ITSN1: variants seen among roughly 807,000 people sequenced by gnomAD.
The protein encoded by ITSN1 is intersectin-1.
A neutral mutation model predicts 239.8 loss-of-function variants in ITSN1; 58 were observed. That is an observed-to-expected ratio of 0.24 (90% CI 0.20 to 0.30). The LOEUF is 0.30. Among genes scored for constraint, ITSN1 ranks in the 10% least tolerant of loss-of-function variants. The pLI is 1.00. For synonymous variants in ITSN1, 780 were observed against 770.8 expected, an observed-to-expected ratio of 1.01 and a Z score of -0.20; for missense variants, 1,558 against 2,103.3, an observed-to-expected ratio of 0.74 and a Z score of 5.07.
intron 1 of ITSN1, among the ~76,000 whole-genome samples, chr21:33,717,467 G>C (rs2065219927): frequency 6.6e-6 from 1 of 152,106 alleles, no homozygotes; most frequent in Non-Finnish European, 1.5e-5. Flanking sequence ...AAAGTGCTGG[G>C]ATTACAGGTG....
intron 17 of ITSN1, among the ~76,000 whole-genome samples, chr21:33,796,497 G>T (rs144868118): frequency 6.6e-6 from 1 of 152,216 alleles, no homozygotes; most frequent in East Asian, 1.9e-4. Flanking sequence ...TTATGTTCCC[G>T]TGGCAGATTC....
intron 5 of ITSN1, among the ~76,000 whole-genome samples, chr21:33,737,725 C>T (rs984987717): frequency 8.6e-5 from 13 of 151,964 alleles, no homozygotes; most frequent in Admixed American, 1.3e-4. Context: ...AGGGACATGC[C>T]GCAACACCCA....
intron 28 of ITSN1, among the ~76,000 whole-genome samples, chr21:33,835,508 A>G (rs1235032296): frequency 1.3e-5 from 2 of 152,242 alleles, no homozygotes; most frequent in African/African-American, 4.8e-5. Flanking sequence ...GTGCCAAAGA[A>G]TGAGAACAAT....
Position 33,755,293 on chromosome 21 carries a change from A to C in ITSN1, c.624-4A>C, listed in dbSNP as rs777891050. ...TCTTTCTCTCCTTTTTCTTTTCCCC[A>C]CAGTGTCCCACCAGTGGCAGAGTGG... is the stretch of plus-strand genomic sequence containing the variant. On this transcript the variant is annotated splice_polypyrimidine_tract_variant and splice_region_variant and intron_variant, in intron 7 of 39. Transcript: ENST00000381318. 2 of 1,579,960 alleles carry C rather than the reference A, an allele frequency of 1.3e-6. No homozygotes were observed. Among genetic ancestry groups the C allele is most frequent in the South Asian group, 1.1e-5 (1 of 88,272 alleles).
At chr21:33,717,066 A>G (rs2065190613) in intron 1 of ITSN1, among the ~76,000 whole-genome samples, 1 of 152,202 alleles carries the variant, frequency 6.6e-6, no homozygotes, top group Non-Finnish European at 1.5e-5. Flanking sequence ...TAAAAATGTG[A>G]TAGTTGGAAA....
intron 20 of ITSN1, 180 bp from the exon 21 acceptor site, chr21:33,810,795 A>AT (rs367739805): frequency 0.015 from 9,813 of 671,412 alleles, 16 homozygotes; most frequent in African/African-American, 0.03. Flanking sequence ...ATTATAGTGC[A>AT]TTTTTTTTTT....
At chr21:33,701,570 A>G (rs982025980) in intron 1 of ITSN1, among the ~76,000 whole-genome samples, 12 of 151,988 alleles carry the variant, frequency 7.9e-5, no homozygotes, top group African/African-American at 2.9e-4. Flanking sequence ...AGGTGGGTGG[A>G]TCACTTGAAG....
At chr21:33,765,517 C>T (rs1337910146) in intron 9 of ITSN1, among the ~76,000 whole-genome samples, 5 of 152,118 alleles carry the variant, frequency 3.3e-5, no homozygotes, top group Non-Finnish European at 5.9e-5. Flanking sequence ...GTGATCATGA[C>T]TGCAGTGAGG....
At chr21:33,781,821 CA>C (rs1396932452) in intron 15 of ITSN1, among the ~76,000 whole-genome samples, 172 bp from the exon 16 acceptor site, 1 of 152,142 alleles carries the variant, frequency 6.6e-6, no homozygotes, top group African/African-American at 2.4e-5. Flanking sequence ...CCAGGTGATC[CA>C]TCCACTTTGG....
At chr21:33,729,348 A>T (rs2066022744) in intron 4 of ITSN1, among the ~76,000 whole-genome samples, 1 of 151,392 alleles carries the variant, frequency 6.6e-6, no homozygotes, top group Non-Finnish European at 1.5e-5. Flanking sequence ...TACTCAGAGG[A>T]TGGGGTGGGA....
At chr21:33,733,171 G>C (rs1301203109) in intron 4 of ITSN1, among the ~76,000 whole-genome samples, 3 of 152,172 alleles carry the variant, frequency 2.0e-5, no homozygotes, top group Non-Finnish European at 4.4e-5. Flanking sequence ...GAGAGCCAGT[G>C]TGATCAAATC....
At chr21:33,807,919 C>T (rs1216288896) in intron 20 of ITSN1, among the ~76,000 whole-genome samples, 1 of 152,160 alleles carries the variant, frequency 6.6e-6, no homozygotes, top group Non-Finnish European at 1.5e-5. Flanking sequence ...GGCGCGGTGG[C>T]TCACGCCTGT....
chr21:33,648,958 A>G (rs992969461), intron 1 of ITSN1, among the ~76,000 whole-genome samples: 1 of 152,228 alleles, frequency 6.6e-6, no homozygotes, highest in African/African-American at 2.4e-5. Flanking sequence ...TCATCCTTAA[A>G]GTAGTCTTGT....
intron 1 of ITSN1, among the ~76,000 whole-genome samples, chr21:33,696,934 T>C (rs2091819985): frequency 6.6e-6 from 1 of 152,206 alleles, no homozygotes; most frequent in South Asian, 2.1e-4. Context: ...AGTAAATTAG[T>C]GCACTGTATT....
intron 1 of ITSN1, among the ~76,000 whole-genome samples, chr21:33,646,824 T>G (rs1288517926): frequency 6.6e-6 from 1 of 152,136 alleles, no homozygotes; most frequent in Non-Finnish European, 1.5e-5. Context: ...AGTAGAAATC[T>G]GTTGCTTAAA....
intron 5 of ITSN1, among the ~76,000 whole-genome samples, chr21:33,748,859 TGTC>T (rs1378459391): frequency 6.6e-6 from 1 of 152,020 alleles, no homozygotes; most frequent in African/African-American, 2.4e-5. Context: ...AGTGAGATCT[TGTC>T]TCAAACAAAC....
chr21:33,758,869 C>A (rs939963968), intron 8 of ITSN1, among the ~76,000 whole-genome samples: 1 of 152,152 alleles, frequency 6.6e-6, no homozygotes, highest in Non-Finnish European at 1.5e-5. Flanking sequence ...ACTCCAAAAC[C>A]GATATCCCTT....
At chr21:33,681,225 G>T (rs1177641054) in intron 1 of ITSN1, among the ~76,000 whole-genome samples, 2 of 152,168 alleles carry the variant, frequency 1.3e-5, no homozygotes, top group Non-Finnish European at 2.9e-5. Context: ...ATTTAAGAAG[G>T]TTTCCTAGGT....
intron 5 of ITSN1, 174 bp downstream of exon 5, chr21:33,735,378 C>A: frequency 1.4e-6 from 1 of 720,396 alleles, no homozygotes; most frequent in Admixed American, 2.1e-5. Flanking sequence ...AGCATGTTCA[C>A]ATTTGAACCC....
Sources: allele counts gnomAD v4.1 joint callset (sites outside exome capture counted in the v4.1 genomes callset), GRCh38; gene constraint gnomAD v4.1.1; transcripts MANE v1.5; gene names NCBI Gene and HGNC (gene_info 2026-07-23, HGNC 2026-07-21).